The following VPS8 variants were observed in gnomAD, a reference collection of about 807,000 sequenced individuals.
VPS8 encodes the protein vacuolar protein sorting-associated protein 8 homolog.
A neutral mutation model predicts 216.4 loss-of-function variants in VPS8; 129 were observed. The ratio of observed to expected loss-of-function variants is 0.60; its 90% CI spans 0.52 to 0.69. The LOEUF is 0.69. Ranked by LOEUF, VPS8 falls within the 30% of genes least tolerant of loss-of-function variation. VPS8 has a pLI of 0.00. For missense variants in VPS8, 1,531 were observed against 1,683.5 expected (o/e 0.91, Z 1.59); for synonymous variants, 571 against 565.4 (o/e 1.01, Z -0.14).
rs534049247 is a variant in VPS8, at chr3:184,994,333, C to T, written c.3666+270C>T. 5.9e-5 allele frequency among the ~76,000 whole-genome samples: 9 copies of T among 151,932 alleles called. No homozygotes were observed. In the South Asian group the frequency reaches 1.9e-3, roughly 32 times the overall value. On this transcript the variant is annotated intron_variant, in intron 43 of 47. Coordinates refer to ENST00000625842, the MANE Select transcript of VPS8 (RefSeq NM_001009921.3). ...TCCAGGCAACATAGCAAGACTCTGT[C>T]TCTACAAAAAATAAAAAAAAATTAG... is the stretch of plus-strand genomic sequence containing the variant.
intron 37 of VPS8, among the ~76,000 whole-genome samples, chr3:184,962,346 A>G (rs1223179008): frequency 1.3e-5 from 2 of 152,116 alleles, no homozygotes; most frequent in East Asian, 3.9e-4. Context: ...GTTGATTTCC[A>G]GATTGTTTCT....
At chr3:184,890,431 C>T in intron 22 of VPS8, among the ~76,000 whole-genome samples, 1 of 151,996 alleles carries the variant, frequency 6.6e-6, no homozygotes, top group Non-Finnish European at 1.5e-5. Context: ...TTTTTATAGG[C>T]AGTCCTTTTA....
intron 9 of VPS8, 65 bp downstream of exon 9, chr3:184,849,260 A>C: frequency 6.4e-7 from 1 of 1,565,378 alleles, no homozygotes; most frequent in African/African-American, 1.4e-5. Flanking sequence ...ACAAAAACTT[A>C]CATCTTAGAT....
intron 16 of VPS8, among the ~76,000 whole-genome samples, chr3:184,865,420 G>T (rs1323192216): frequency 1.3e-5 from 2 of 152,170 alleles, no homozygotes; most frequent in Non-Finnish European, 2.9e-5. Context: ...ATAATTATGA[G>T]AACCCATTTC....
chr3:184,843,118 A>G (rs1722494442), intron 7 of VPS8, 122 bp from the exon 8 acceptor site: 2 of 606,160 alleles, frequency 3.3e-6, no homozygotes, highest in African/African-American at 1.9e-5. Flanking sequence ...TATCATTCCC[A>G]CAGATAACTA....
rs531586506 is a variant in VPS8 at position 184,894,689 on chromosome 3, C to G, written c.1782-14C>G. ...ATGTTCCTAAAAGTTTTTCTCCCCC[C>G]CTTTCTGTTACAGGGATCTTTTATT... On this transcript the variant is annotated splice_polypyrimidine_tract_variant and intron_variant, in intron 22 of 47. Transcript: ENST00000625842. 3.3e-5 allele frequency: 52 copies of G among 1,570,646 alleles called. No individual in the cohort carries two copies. The highest frequency in any genetic ancestry group is 8.2e-5 in the South Asian group (7 of 85,482).
At chr3:184,846,237 A>G (rs532989440) in intron 8 of VPS8, among the ~76,000 whole-genome samples, 1 of 152,362 alleles carries the variant, frequency 6.6e-6, no homozygotes, top group South Asian at 2.1e-4. Context: ...AAAAAAGTTG[A>G]GAATGTTTCC....
At chr3:184,924,797 G>A in intron 29 of VPS8, 65 bp from the exon 30 acceptor site, 5 of 1,164,002 alleles carry the variant, frequency 4.3e-6, no homozygotes, top group Non-Finnish European at 5.7e-6. Flanking sequence ...TCTTCTAATT[G>A]TATTTTTTTT....
intron 29 of VPS8, among the ~76,000 whole-genome samples, chr3:184,922,087 A>G (rs1738737296): frequency 2.0e-5 from 3 of 152,096 alleles, no homozygotes; most frequent in Non-Finnish European, 4.4e-5. Context: ...AGAATTCACT[A>G]GACTCTCTGT....
At chr3:185,023,250 TTCAC>T (rs149733133) in intron 45 of VPS8, among the ~76,000 whole-genome samples, 5,830 of 152,284 alleles carry the variant, frequency 0.038, 334 homozygotes, top group African/African-American at 0.13. Flanking sequence ...TCTGACTTCT[TTCAC>T]TCAGCATAGT....
At chr3:185,051,837 C>T in intron 47 of VPS8, 39 bp from the exon 48 acceptor site, 1 of 1,527,358 alleles carries the variant, frequency 6.5e-7, no homozygotes, top group Non-Finnish European at 8.8e-7. Flanking sequence ...TCCCTCTGCT[C>T]CCCACAAACC....
intron 45 of VPS8, among the ~76,000 whole-genome samples, chr3:185,023,185 G>A (rs1360711644): frequency 1.3e-5 from 2 of 151,906 alleles, no homozygotes; most frequent in Admixed American, 1.3e-4. Flanking sequence ...AGATTAGTTT[G>A]GATTTTCTCG....
At chr3:185,003,563 A>G (rs1427510241) in intron 45 of VPS8, among the ~76,000 whole-genome samples, 3 of 151,358 alleles carry the variant, frequency 2.0e-5, no homozygotes, top group Non-Finnish European at 4.4e-5. Context: ...CTTTCTACAC[A>G]GACACAGCAA....
chr3:184,901,973 C>T (rs1453432910), intron 25 of VPS8, among the ~76,000 whole-genome samples: 1 of 152,188 alleles, frequency 6.6e-6, no homozygotes, highest in African/African-American at 2.4e-5. Flanking sequence ...CTTCTTAAAA[C>T]TTTGGCCATT....
At chr3:184,959,938 A>G (rs1746224932) in intron 37 of VPS8, among the ~76,000 whole-genome samples, 1 of 151,928 alleles carries the variant, frequency 6.6e-6, no homozygotes, top group African/African-American at 2.4e-5. Context: ...TGCTGCACCC[A>G]TCAACTCGTC....
intron 45 of VPS8, among the ~76,000 whole-genome samples, chr3:185,000,538 C>T (rs1392777982): frequency 6.6e-6 from 1 of 151,950 alleles, no homozygotes; most frequent in Non-Finnish European, 1.5e-5. Context: ...TCTGTGCTAC[C>T]CTATCCTATA....
intron 34 of VPS8, among the ~76,000 whole-genome samples, chr3:184,930,880 G>A (rs1740566705): frequency 2.0e-5 from 3 of 152,206 alleles, no homozygotes; most frequent in African/African-American, 7.2e-5. Context: ...TATGTGATGA[G>A]TGCCATTCCC....
intron 5 of VPS8, among the ~76,000 whole-genome samples, chr3:184,835,108 A>G (rs1341962603): frequency 6.6e-6 from 1 of 151,710 alleles, no homozygotes; most frequent in African/African-American, 2.4e-5. Context: ...ATATGGAGAA[A>G]TGATTGATCA....
chr3:184,886,199 G>A (rs780791484), intron 22 of VPS8, 43 bp downstream of exon 22: 27 of 1,570,014 alleles, frequency 1.7e-5, no homozygotes, highest in Non-Finnish European at 2.3e-5. Context: ...TTTGAACCCA[G>A]GTAGCCTCTT....
Sources: allele counts gnomAD v4.1 joint callset (sites outside exome capture counted in the v4.1 genomes callset), GRCh38; gene constraint gnomAD v4.1.1; transcripts MANE v1.5; gene names NCBI Gene and HGNC (gene_info 2026-07-23, HGNC 2026-07-21).